Variants in TRPC4 observed in about 807,000 individuals in gnomAD.
TRPC4 encodes short transient receptor potential channel 4.
In TRPC4, 49 loss-of-function variants were observed where a neutral mutation model predicts 99.4. That is an observed-to-expected ratio of 0.49 (90% confidence interval 0.39 to 0.63). The LOEUF is 0.63. Ranked by LOEUF, TRPC4 falls within the 20% of genes least tolerant of loss-of-function variation. The pLI, the probability that TRPC4 is intolerant of heterozygous loss-of-function variation, is 0.00. For synonymous variants in TRPC4, 454 were observed against 425.9 expected (o/e 1.07, Z -0.81); for missense variants, 898 against 1,152.9 (o/e 0.78, Z 3.20).
At chr13:37,852,715 C>A (rs1433120104) in intron 1 of TRPC4, among the ~76,000 whole-genome samples, 1 of 152,112 alleles carries the variant, frequency 6.6e-6, no homozygotes, top group African/African-American at 2.4e-5. Context: ...CTGTCCTGGG[C>A]CAGAAGGGAG....
intron 3 of TRPC4, among the ~76,000 whole-genome samples, chr13:37,712,766 C>A (rs1322105232): frequency 6.6e-6 from 1 of 152,064 alleles, no homozygotes; most frequent in Non-Finnish European, 1.5e-5. Flanking sequence ...GGGTGAGAGG[C>A]TGAAATAGAT....
Position 37,721,188 on chromosome 13 carries a change from A to G in TRPC4, c.897+24749T>C, listed in dbSNP as rs1954856435. On this transcript the variant is annotated intron_variant, in intron 3 of 10. Coordinates refer to ENST00000379705, the MANE Select transcript of TRPC4 (RefSeq NM_016179.4). ...ATTTAGAAAATAGTTGTCCACTGCT[A>G]AAGAACATTGAAAAAAGAAACCCTC... Among the ~76,000 whole-genome samples, 3 of 152,166 alleles carry G rather than the reference A, an allele frequency of 2.0e-5. No individual in the cohort carries two copies. The South Asian group carries it at 6.2e-4, about 31-fold the overall frequency.
At chr13:37,732,519 G>A (rs1170636628) in intron 3 of TRPC4, among the ~76,000 whole-genome samples, 1 of 152,034 alleles carries the variant, frequency 6.6e-6, no homozygotes, top group Non-Finnish European at 1.5e-5. Flanking sequence ...AAAAGAAGAA[G>A]TAAAATTAAC....
intron 6 of TRPC4, among the ~76,000 whole-genome samples, chr13:37,660,844 G>T (rs1276123462): frequency 6.6e-6 from 1 of 152,132 alleles, no homozygotes; most frequent in East Asian, 1.9e-4. Flanking sequence ...AGAAAGCACA[G>T]AAGTAAGATG....
At chr13:37,799,713 G>A (rs957484039) in intron 1 of TRPC4, among the ~76,000 whole-genome samples, 1 of 152,088 alleles carries the variant, frequency 6.6e-6, no homozygotes, top group Non-Finnish European at 1.5e-5. Context: ...GAAGTTCAGG[G>A]GTTTACTGCA....
chr13:37,663,791 G>A (rs1952539438), intron 5 of TRPC4, 62 bp from the exon 6 acceptor site: 2 of 1,392,518 alleles, frequency 1.4e-6, no homozygotes, highest in African/African-American at 1.5e-5. Flanking sequence ...ATAGATCAAG[G>A]TCAGACCCAG....
chr13:37,862,257 T>C (rs945515609), intron 1 of TRPC4, among the ~76,000 whole-genome samples: 3 of 151,518 alleles, frequency 2.0e-5, no homozygotes, highest in Non-Finnish European at 4.4e-5. Context: ...GTTTGCTTCA[T>C]TGGTTCCATG....
At chr13:37,804,555 T>G (rs960521845) in intron 1 of TRPC4, among the ~76,000 whole-genome samples, 1 of 152,136 alleles carries the variant, frequency 6.6e-6, no homozygotes, top group Non-Finnish European at 1.5e-5. Flanking sequence ...ACAAAGGTTT[T>G]TATTGTATTT....
chr13:37,657,239 A>G lies in TRPC4; in HGVS notation c.1689-1956T>C, dbSNP rs549423136. On this transcript the variant is annotated intron_variant, in intron 6 of 10. Coordinates refer to ENST00000379705, the MANE Select transcript of TRPC4 (RefSeq NM_016179.4). ...TCTGATCAACTTTAGCCAGACTGTG[A>G]TTCTTAAATGGAATGCTGTGCATTC... Among the ~76,000 whole-genome samples, 61 of 152,340 alleles carry G rather than the reference A, an allele frequency of 4.0e-4. 2 individuals are homozygous for G. In the South Asian group the frequency reaches 7.9e-3, roughly 20 times the overall value.
intron 6 of TRPC4, among the ~76,000 whole-genome samples, chr13:37,660,290 G>C (rs1257562405): frequency 6.6e-6 from 1 of 152,148 alleles, no homozygotes; most frequent in East Asian, 1.9e-4. Context: ...TCCAGAAATG[G>C]AAGTGTTAAA....
rs1418220192 is a variant in TRPC4 at position 37,670,490 on chromosome 13, C to T, written c.1374+3738G>A. 3.9e-5 allele frequency among the ~76,000 whole-genome samples: 6 copies of T among 152,026 alleles called. No homozygotes were observed. The East Asian group carries it at 5.8e-4, about 15-fold the overall frequency. On this transcript the variant is annotated intron_variant, in intron 5 of 10. Transcript: ENST00000379705. ...GTCCTAGTCATAACACCGGTAATCCCGTCTGAAGCAAAAGAGGTGAATCTA... is the reference window on the plus strand; with the variant it reads ...GTCCTAGTCATAACACCGGTAATCCTGTCTGAAGCAAAAGAGGTGAATCTA...
At chr13:37,731,518 A>T (rs1382807705) in intron 3 of TRPC4, among the ~76,000 whole-genome samples, 2 of 152,096 alleles carry the variant, frequency 1.3e-5, no homozygotes, top group South Asian at 2.1e-4. Context: ...AAAATACATT[A>T]AAAAAATTAA....
intron 3 of TRPC4, among the ~76,000 whole-genome samples, chr13:37,729,635 A>G (rs1363707757): frequency 6.6e-6 from 1 of 152,146 alleles, no homozygotes; most frequent in Non-Finnish European, 1.5e-5. Context: ...AATACATACA[A>G]TGGAATATTG....
At chr13:37,742,857 T>G (rs982780041) in intron 3 of TRPC4, among the ~76,000 whole-genome samples, 1 of 152,162 alleles carries the variant, frequency 6.6e-6, no homozygotes, top group African/African-American at 2.4e-5. Flanking sequence ...TAAGAATACA[T>G]GCGGTAAAAC....
At chr13:37,639,334 C>T (rs1334256721) in intron 8 of TRPC4, 35 bp from the exon 9 acceptor site, 1 of 1,596,740 alleles carries the variant, frequency 6.3e-7, no homozygotes, top group Non-Finnish European at 8.6e-7. Context: ...TCTGGTTATA[C>T]TGTTATATTA....
At chr13:37,686,414 T>C (rs1378073810) in intron 4 of TRPC4, among the ~76,000 whole-genome samples, 1 of 151,860 alleles carries the variant, frequency 6.6e-6, no homozygotes, top group Non-Finnish European at 1.5e-5. Context: ...TAACTGGTTA[T>C]ACGTATACGT....
intron 3 of TRPC4, among the ~76,000 whole-genome samples, chr13:37,704,532 C>G (rs2138951541): frequency 6.6e-6 from 1 of 152,078 alleles, no homozygotes; most frequent in East Asian, 1.9e-4. Context: ...ACTAAAAATA[C>G]AAAAAGTAGC....
intron 1 of TRPC4, among the ~76,000 whole-genome samples, chr13:37,816,664 A>G (rs760758236): frequency 1.1e-4 from 16 of 152,060 alleles, no homozygotes; most frequent in Non-Finnish European, 4.4e-5. Context: ...GCACATAAAA[A>G]AAGCTAATCC....
At chr13:37,658,287 T>C (rs577215908) in intron 6 of TRPC4, among the ~76,000 whole-genome samples, 1 of 152,326 alleles carries the variant, frequency 6.6e-6, no homozygotes, top group South Asian at 2.1e-4. Context: ...ACAGTCTGTA[T>C]GGGTGGACTT....
Sources: allele counts gnomAD v4.1 joint callset (sites outside exome capture counted in the v4.1 genomes callset), GRCh38; gene constraint gnomAD v4.1.1; transcripts MANE v1.5; gene names NCBI Gene and HGNC (gene_info 2026-07-23, HGNC 2026-07-21).